ZFPM2: variants seen among roughly 807,000 people sequenced by gnomAD.
ZFPM2 encodes zinc finger protein ZFPM2.
In ZFPM2, 20 loss-of-function variants were observed where a neutral mutation model predicts 98.6. The ratio of observed to expected loss-of-function variants is 0.20; its 90% CI spans 0.14 to 0.29. The LOEUF (loss-of-function observed/expected upper bound fraction) is 0.29. ZFPM2 is among the 10% of genes least tolerant of loss of function. The pLI is 1.00. For synonymous variants in ZFPM2, 518 were observed against 502.7 expected, an observed-to-expected ratio of 1.03 and a Z score of -0.41; for missense variants, 1,310 against 1,388.6, an observed-to-expected ratio of 0.94 and a Z score of 0.90.
intron 3 of ZFPM2, among the ~76,000 whole-genome samples, chr8:105,463,884 C>T (rs1812747843): frequency 6.6e-6 from 1 of 152,008 alleles, no homozygotes; most frequent in Non-Finnish European, 1.5e-5. Context: ...GAATCTAGCC[C>T]AACCAACATA....
chr8:105,752,083 A>C (rs544192570), intron 5 of ZFPM2, among the ~76,000 whole-genome samples: 1 of 152,174 alleles, frequency 6.6e-6, no homozygotes, highest in Admixed American at 6.5e-5. Flanking sequence ...AACCCACTGA[A>C]GATTTTATTT....
chr8:105,708,024 A>C (rs1054620814), intron 5 of ZFPM2, among the ~76,000 whole-genome samples: 1 of 152,158 alleles, frequency 6.6e-6, no homozygotes, highest in African/African-American at 2.4e-5. Flanking sequence ...GTTCCACCCT[A>C]ACTGCGAGAG....
chr8:105,644,552 C>T (rs1056329258), intron 5 of ZFPM2, among the ~76,000 whole-genome samples: 14 of 151,976 alleles, frequency 9.2e-5, no homozygotes, highest in Non-Finnish European at 5.9e-5. Flanking sequence ...ACCCCCATCA[C>T]CACCATTTCT....
At chr8:105,558,661 C>T (rs1024622310) in intron 3 of ZFPM2, among the ~76,000 whole-genome samples, 2 of 152,112 alleles carry the variant, frequency 1.3e-5, no homozygotes, top group Non-Finnish European at 2.9e-5. Context: ...AGTCCAAACC[C>T]TTTTCAAATG....
intron 5 of ZFPM2, among the ~76,000 whole-genome samples, chr8:105,726,588 A>C (rs1811812800): frequency 6.6e-6 from 1 of 151,820 alleles, no homozygotes. Flanking sequence ...ACTTTGTGCA[A>C]GTACTGGTCA....
intron 5 of ZFPM2, among the ~76,000 whole-genome samples, chr8:105,783,730 C>T (rs373928204): frequency 2.0e-5 from 3 of 152,036 alleles, no homozygotes; most frequent in East Asian, 1.9e-4. Context: ...CTTTTCAAGG[C>T]GGAATAATAT....
At chr8:105,692,139 A>G (rs943603658) in intron 5 of ZFPM2, among the ~76,000 whole-genome samples, 1 of 152,184 alleles carries the variant, frequency 6.6e-6, no homozygotes, top group African/African-American at 2.4e-5. Flanking sequence ...AGTTTTTTAC[A>G]TTATCTTTGG....
intron 4 of ZFPM2, among the ~76,000 whole-genome samples, chr8:105,572,321 C>A (rs535153396): frequency 3.9e-5 from 6 of 152,072 alleles, no homozygotes; most frequent in Admixed American, 2.6e-4. Flanking sequence ...CAGGCGTGAG[C>A]CACCACACCT....
chr8:105,795,246 T>TCGTGTGTG (rs1554582313), intron 6 of ZFPM2, among the ~76,000 whole-genome samples: 2,601 of 138,316 alleles, frequency 0.019, 30 homozygotes, highest in African/African-American at 0.026. Context: ...CATTTTATCT[T>TCGTGTGTG]TGTGTGTGTG....
intron 1 of ZFPM2, among the ~76,000 whole-genome samples, chr8:105,357,330 G>A (rs1563619402): frequency 6.6e-6 from 1 of 152,094 alleles, no homozygotes; most frequent in Non-Finnish European, 1.5e-5. Context: ...CACATTTTCT[G>A]TATTTTTTCT....
At position 105,769,050 on chromosome 8, in the gene ZFPM2, AT is replaced by A. The variant is rs773443204; in HGVS notation, c.533-19665del. Among the ~76,000 whole-genome samples the A allele has an allele frequency of 6.1e-4, 92 of 152,064 alleles. 1 individual carries two copies. Among genetic ancestry groups the A allele is most frequent in the Admixed American group, 2.4e-3 (36 of 15,242 alleles). ...GTCCTGTCTTATTTCAAAAGCTTTTATTTGGAAGTTTGAAGAAAACGTTTTA... is the reference window on the plus strand; with the variant it reads ...GTCCTGTCTTATTTCAAAAGCTTTTATTGGAAGTTTGAAGAAAACGTTTTA... On this transcript the variant is annotated intron_variant, in intron 5 of 7. Coordinates refer to ENST00000407775, the MANE Select transcript of ZFPM2 (RefSeq NM_012082.4).
At chr8:105,321,748 G>T (rs935569436) in intron 1 of ZFPM2, among the ~76,000 whole-genome samples, 1 of 152,132 alleles carries the variant, frequency 6.6e-6, no homozygotes, top group South Asian at 2.1e-4. Context: ...AATTTGCTAT[G>T]ATGACTGGCC....
At chr8:105,708,109 T>G (rs1427980785) in intron 5 of ZFPM2, among the ~76,000 whole-genome samples, 2 of 152,150 alleles carry the variant, frequency 1.3e-5, no homozygotes, top group Non-Finnish European at 2.9e-5. Flanking sequence ...GTTTTGACTT[T>G]CTCTAATTAG....
chr8:105,769,426 A>G (rs1472949346), intron 5 of ZFPM2, among the ~76,000 whole-genome samples: 2 of 151,958 alleles, frequency 1.3e-5, no homozygotes, highest in African/African-American at 4.8e-5. Flanking sequence ...CTACTATGGG[A>G]TACTTCAAAG....
intron 3 of ZFPM2, among the ~76,000 whole-genome samples, chr8:105,448,284 A>T (rs1272554447): frequency 1.3e-5 from 2 of 151,910 alleles, no homozygotes; most frequent in Non-Finnish European, 2.9e-5. Flanking sequence ...CTGGTTTTTC[A>T]TCTGTCTTTG....
chr8:105,475,349 C>T (rs1470987852), intron 3 of ZFPM2, among the ~76,000 whole-genome samples: 1 of 152,286 alleles, frequency 6.6e-6, no homozygotes, highest in East Asian at 1.9e-4. Flanking sequence ...TTACGTTTGA[C>T]CTAGAAATTA....
rs1813048503 is a variant in ZFPM2, at chr8:105,478,152, G to A, written c.301+33771G>A. Among the ~76,000 whole-genome samples the A allele has an allele frequency of 2.0e-5, 3 of 152,158 alleles. No homozygotes were observed. In the South Asian group the frequency reaches 6.2e-4, roughly 32 times the overall value. ...CCATCTTAAATGCGGCTGACCACGG[G>A]AATGGAAGCTCACACACTTGAGTTC... is the stretch of plus-strand genomic sequence containing the variant. On this transcript the variant is annotated intron_variant, in intron 3 of 7. Coordinates refer to ENST00000407775, the MANE Select transcript of ZFPM2 (RefSeq NM_012082.4).
chr8:105,321,314 A>G (rs768466244), intron 1 of ZFPM2, among the ~76,000 whole-genome samples: 5 of 152,230 alleles, frequency 3.3e-5, no homozygotes, highest in African/African-American at 7.2e-5. Context: ...GTAGTGCGTA[A>G]GAAGTGCACC....
chr8:105,462,170 G>A (rs6995975), intron 3 of ZFPM2, among the ~76,000 whole-genome samples: 1 of 151,844 alleles, frequency 6.6e-6, no homozygotes, highest in African/African-American at 2.4e-5. Context: ...AACTCATCAT[G>A]TATGTGTCTT....
Sources: gnomAD v4.1 joint callset for allele counts (sites outside exome capture counted in the v4.1 genomes callset) on GRCh38, gnomAD v4.1.1 for gene constraint, MANE v1.5 for transcripts, NCBI Gene and HGNC (gene_info 2026-07-23, HGNC 2026-07-21) for gene names.